FAM151B: variants seen among roughly 807,000 people sequenced by gnomAD.
The protein encoded by FAM151B is family with sequence similarity 151 member B.
FAM151B carries 24 observed loss-of-function variants against 31.2 expected under a neutral mutation model. The observed-to-expected ratio is 0.77, with a 90% confidence interval of 0.56 to 1.08. The LOEUF is 1.08. Ranked by LOEUF, FAM151B falls within the 50% of genes least tolerant of loss-of-function variation. The pLI is 0.00. For synonymous variants in FAM151B, 105 were observed against 111.4 expected, an observed-to-expected ratio of 0.94 and a Z score of 0.36; for missense variants, 293 against 328.6, an observed-to-expected ratio of 0.89 and a Z score of 0.84.
chr5:80,535,097 A>T (rs761393896), intron 5 of FAM151B, among the ~76,000 whole-genome samples: 2 of 152,208 alleles, frequency 1.3e-5, no homozygotes, highest in Non-Finnish European at 2.9e-5. Context: ...CAAGAAACTG[A>T]AGAGGACACC....
chr5:80,505,821 A>G (rs182291183), intron 2 of FAM151B: 201 of 138,224 alleles, frequency 1.5e-3, no homozygotes, highest in African/African-American at 5.5e-3. Flanking sequence ...AAATGGCACA[A>G]TCTCGGCTCA....
At chr5:80,537,038 A>AT (rs1745547305) in intron 5 of FAM151B, among the ~76,000 whole-genome samples, 1 of 152,246 alleles carries the variant, frequency 6.6e-6, no homozygotes, top group Non-Finnish European at 1.5e-5. Flanking sequence ...CTAAAAGGGT[A>AT]TAATTGAATT....
At chr5:80,538,428 CTTTCTT>C (rs1745646186) in intron 5 of FAM151B, among the ~76,000 whole-genome samples, 1 of 58,204 alleles carries the variant, frequency 1.7e-5, no homozygotes, top group Non-Finnish European at 3.1e-5. Flanking sequence ...TTCTTTCTTT[CTTTCTT>C]TCTTTCTTTC....
chr5:80,533,643 A>G (rs1489001182), intron 5 of FAM151B, among the ~76,000 whole-genome samples: 1 of 146,208 alleles, frequency 6.8e-6, no homozygotes, highest in African/African-American at 2.5e-5. Context: ...CCAGCTACTC[A>G]GGAGGCTGAT....
chr5:80,513,870 ACT>A (rs763400844), intron 3 of FAM151B, 101 bp downstream of exon 3: 115 of 1,139,524 alleles, frequency 1.0e-4, no homozygotes, highest in Non-Finnish European at 1.3e-4. Flanking sequence ...GGAATTGTAG[ACT>A]CTAATATATT....
intron 2 of FAM151B, among the ~76,000 whole-genome samples, chr5:80,502,938 G>C (rs1743804404): frequency 6.6e-6 from 1 of 152,182 alleles, no homozygotes; most frequent in South Asian, 2.1e-4. Context: ...TAGCAAAATT[G>C]ATGCCTCAGG....
At position 80,490,022 on chromosome 5, in the gene FAM151B, ACACAC is replaced by A. The variant is rs1443600112; in HGVS notation, c.25+1875_25+1879del. The stretch of plus-strand genomic sequence containing the variant: ...GTTATATGTCATTTTTCCCCCTTAC[ACACAC>A]ACACACACACACACACACACACACA... On this transcript the variant is annotated intron_variant, in intron 1 of 5. Coordinates refer to ENST00000282226, the MANE Select transcript of FAM151B (RefSeq NM_205548.3). Among the ~76,000 whole-genome samples, 17 of 129,670 alleles carry A rather than the reference ACACAC, an allele frequency of 1.3e-4. 1 individual carries two copies. Among genetic ancestry groups the A allele is most frequent in the African/African-American group, 4.4e-4 (16 of 36,160 alleles). 85.1% of individuals were successfully genotyped at this position (129,670 alleles called of 152,430 possible). A position where few individuals can be genotyped will look rare whatever the true frequency, so the allele number is the denominator to read the frequency against.
At position 80,490,019 on chromosome 5, in the gene FAM151B, TACACAC is replaced by T. The variant is rs71601587; in HGVS notation, c.25+1899_25+1904del. 2.1e-3 allele frequency among the ~76,000 whole-genome samples: 311 copies of T among 144,700 alleles called. 3 individuals carry two copies. Among genetic ancestry groups the T allele is most frequent in the African/African-American group, 7.2e-3 (282 of 38,942 alleles). The allele number at this position is 144,700 out of a possible 152,430, so 94.9% of individuals were successfully genotyped here. On this transcript the variant is annotated intron_variant, in intron 1 of 5. Coordinates refer to ENST00000282226, the MANE Select transcript of FAM151B (RefSeq NM_205548.3). ...TCCGTTATATGTCATTTTTCCCCCT[TACACAC>T]ACACACACACACACACACACACACA...
intron 1 of FAM151B, 134 bp downstream of exon 1, chr5:80,488,282 G>T (rs751192108): frequency 5.1e-6 from 6 of 1,182,098 alleles, no homozygotes; most frequent in Non-Finnish European, 6.8e-6. Flanking sequence ...GAACCGGGCG[G>T]CTGGGCTTGG....
At chr5:80,489,285 G>A (rs1263794236) in intron 1 of FAM151B, among the ~76,000 whole-genome samples, 1 of 152,000 alleles carries the variant, frequency 6.6e-6, no homozygotes, top group African/African-American at 2.4e-5. Context: ...TTTTATCCTG[G>A]ACACGATTCT....
intron 3 of FAM151B, among the ~76,000 whole-genome samples, chr5:80,518,075 G>GAAAAAAAAAAAAAAAAAAA (rs796173147): frequency 1.4e-5 from 1 of 72,770 alleles, no homozygotes; most frequent in Non-Finnish European, 2.8e-5. Flanking sequence ...CCATCTCAAA[G>GAAAAAAAAAAAAAAAAAAA]AAAAAAAAAA....
At chr5:80,514,692 C>T (rs1468861489) in intron 3 of FAM151B, among the ~76,000 whole-genome samples, 1 of 151,950 alleles carries the variant, frequency 6.6e-6, no homozygotes, top group African/African-American at 2.4e-5. Context: ...AAGGCAGCTG[C>T]TATTGAAATC....
chr5:80,541,869 C>A lies in FAM151B; in HGVS notation c.*37C>A. The A allele has an allele frequency of 6.3e-7, 1 of 1,581,646 alleles. No individual in the cohort carries two copies. On this transcript the variant is annotated 3_prime_UTR_variant, in exon 6 of 6. Transcript: ENST00000282226. ...TCAATTATTTCCTGTGTTTTGGTTT[C>A]ATAATCCTTCTCTCCATTGGTCTGA...
chr5:80,538,458 CTTTCTTTCTT>C (rs1561383647), intron 5 of FAM151B, among the ~76,000 whole-genome samples: 4 of 69,738 alleles, frequency 5.7e-5, no homozygotes, highest in Non-Finnish European at 9.1e-5. Context: ...CTCTTTCTTT[CTTTCTTTCTT>C]TCTTTCTTTC....
intron 2 of FAM151B, among the ~76,000 whole-genome samples, chr5:80,509,296 GC>G (rs1414617358): frequency 3.3e-5 from 5 of 152,060 alleles, no homozygotes; most frequent in African/African-American, 1.2e-4. Context: ...AAATTTAATT[GC>G]CAGTGTAACA....
chr5:80,529,358 G>T (rs1470855579), intron 5 of FAM151B, among the ~76,000 whole-genome samples: 1 of 152,118 alleles, frequency 6.6e-6, no homozygotes, highest in Non-Finnish European at 1.5e-5. Flanking sequence ...CCATTCAAAA[G>T]CTAGCAGAAG....
chr5:80,509,619 T>C (rs1396292160), intron 2 of FAM151B, among the ~76,000 whole-genome samples: 1 of 152,214 alleles, frequency 6.6e-6, no homozygotes, highest in Non-Finnish European at 1.5e-5. Context: ...ACTTTGAGAA[T>C]CTCTTGCCAG....
chr5:80,494,016 C>A (rs1034042494), intron 1 of FAM151B, among the ~76,000 whole-genome samples: 2 of 152,216 alleles, frequency 1.3e-5, no homozygotes, highest in Non-Finnish European at 2.9e-5. Flanking sequence ...TGTAAAATTT[C>A]TCTCTTTGTA....
At chr5:80,506,352 C>T (rs1743964940) in intron 2 of FAM151B, among the ~76,000 whole-genome samples, 1 of 152,060 alleles carries the variant, frequency 6.6e-6, no homozygotes, top group South Asian at 2.1e-4. Flanking sequence ...TGAAATTAGC[C>T]TTACGATGAA....
Sources: gnomAD v4.1 joint callset for allele counts (sites outside exome capture counted in the v4.1 genomes callset) on GRCh38, gnomAD v4.1.1 for gene constraint, MANE v1.5 for transcripts, NCBI Gene and HGNC (gene_info 2026-07-23, HGNC 2026-07-21) for gene names.